The following ADGRL3 variants were observed in gnomAD, a reference collection of about 807,000 sequenced individuals.
ADGRL3 encodes the protein calcium-independent alpha-latrotoxin receptor 3.
In ADGRL3, 62 loss-of-function variants were observed where a neutral mutation model predicts 153.5. That is an observed-to-expected ratio of 0.40 (90% CI 0.33 to 0.50). The LOEUF (loss-of-function observed/expected upper bound fraction) is 0.50. Among genes scored for constraint, ADGRL3 ranks in the 20% least tolerant of loss-of-function variants. The probability of loss-of-function intolerance (pLI) is 0.47; values close to 1 mark genes in which losing one functional copy is unlikely to be tolerated. For synonymous variants in ADGRL3, 710 were observed against 672.5 expected (o/e 1.06, Z -0.86); for missense variants, 1,641 against 1,859.4 (o/e 0.88, Z 2.16).
chr4:61,347,311 T>C (rs1280597469), intron 1 of ADGRL3, among the ~76,000 whole-genome samples: 1 of 151,756 alleles, frequency 6.6e-6, no homozygotes, highest in Admixed American at 6.6e-5. Flanking sequence ...TTAAATTTGA[T>C]TCCCCCCAGC....
intron 2 of ADGRL3, among the ~76,000 whole-genome samples, chr4:61,432,585 T>TTC (rs1491030571): frequency 0.059 from 140 of 2,378 alleles, 4 homozygotes; most frequent in Middle Eastern, 0.25. Context: ...TTTCTTTCTT[T>TTC]CTTTCTTTCT....
intron 2 of ADGRL3, among the ~76,000 whole-genome samples, chr4:61,479,342 C>G (rs2098106373): frequency 1.3e-5 from 2 of 151,984 alleles, no homozygotes; most frequent in Non-Finnish European, 2.9e-5. Flanking sequence ...ACACACACCG[C>G]CCCCCATGCA....
At chr4:61,963,922 A>G (rs1179573901) in intron 17 of ADGRL3, among the ~76,000 whole-genome samples, 2 of 152,226 alleles carry the variant, frequency 1.3e-5, no homozygotes, top group Non-Finnish European at 2.9e-5. Flanking sequence ...TGGACACTGG[A>G]TGAAGACTTC....
At chr4:61,737,762 G>A (rs376848961) in intron 8 of ADGRL3, among the ~76,000 whole-genome samples, 1 of 151,970 alleles carries the variant, frequency 6.6e-6, no homozygotes, top group South Asian at 2.1e-4. Context: ...CCAGATGTTA[G>A]CACCAGGCAC....
intron 1 of ADGRL3, among the ~76,000 whole-genome samples, chr4:61,308,008 C>T (rs1279264362): frequency 6.6e-6 from 1 of 152,142 alleles, no homozygotes; most frequent in Non-Finnish European, 1.5e-5. Context: ...ATGGTCTCGC[C>T]TGCTTATTTG....
In ADGRL3 at chr4:61,664,680, A is replaced by T. The variant is rs145416309; in HGVS notation, c.474-12146A>T. On this transcript the variant is annotated intron_variant, in intron 5 of 26. Coordinates refer to ENST00000683033, the MANE Select transcript of ADGRL3 (RefSeq NM_001387552.1). ...TACACTAAAATGCCTCATATCATAT[A>T]CATTTAAAGTAAAATATTTGTTCTT... Among the ~76,000 whole-genome samples, 218 of 152,322 alleles carry T rather than the reference A, an allele frequency of 1.4e-3. 1 individual carries two copies. In the East Asian group the frequency reaches 0.035, roughly 25 times the overall value.
intron 13 of ADGRL3, among the ~76,000 whole-genome samples, chr4:61,926,440 C>G (rs558383567): frequency 1.3e-5 from 2 of 152,120 alleles, no homozygotes; most frequent in South Asian, 4.1e-4. Flanking sequence ...TTTTCCTCAT[C>G]AACTGGCGTT....
intron 4 of ADGRL3, among the ~76,000 whole-genome samples, chr4:61,565,717 T>C (rs1180574097): frequency 6.6e-6 from 1 of 151,780 alleles, no homozygotes; most frequent in Non-Finnish European, 1.5e-5. Flanking sequence ...TTTGTATTTT[T>C]AGTAGAGATG....
chr4:61,477,368 TAC>T (rs5858703), intron 2 of ADGRL3, among the ~76,000 whole-genome samples: 136,796 of 150,266 alleles, frequency 0.91, 63,155 homozygotes, highest in East Asian at 0.99. Context: ...ATAGTGATGT[TAC>T]ACACACACAC....
At chr4:61,874,325 G>T (rs2098461654) in intron 9 of ADGRL3, among the ~76,000 whole-genome samples, 1 of 152,100 alleles carries the variant, frequency 6.6e-6, no homozygotes, top group Non-Finnish European at 1.5e-5. Context: ...CTCTCTTCTT[G>T]GGTAGCTCAC....
chr4:61,836,235 T>G (rs919757227), intron 9 of ADGRL3, among the ~76,000 whole-genome samples: 4 of 152,180 alleles, frequency 2.6e-5, no homozygotes, highest in African/African-American at 7.2e-5. Flanking sequence ...GAAAAACTAT[T>G]ATATTAAAGC....
At chr4:61,986,786 G>A (rs2150922995) in intron 19 of ADGRL3, among the ~76,000 whole-genome samples, 1 of 152,292 alleles carries the variant, frequency 6.6e-6, no homozygotes, top group South Asian at 2.1e-4. Flanking sequence ...TAAATAAATT[G>A]TCCACACAGA....
intron 5 of ADGRL3, among the ~76,000 whole-genome samples, chr4:61,588,184 G>A (rs994531610): frequency 6.6e-6 from 1 of 151,482 alleles, no homozygotes; most frequent in Non-Finnish European, 1.5e-5. Flanking sequence ...CAGAAATCAG[G>A]GATAAAGTCA....
At chr4:61,492,959 T>C (rs1181669586) in intron 2 of ADGRL3, among the ~76,000 whole-genome samples, 1 of 152,132 alleles carries the variant, frequency 6.6e-6, no homozygotes, top group Admixed American at 6.5e-5. Flanking sequence ...TTGTGAAGAA[T>C]AGTGAACTTA....
At chr4:61,259,662 C>A (rs2092353456) in intron 1 of ADGRL3, among the ~76,000 whole-genome samples, 1 of 152,070 alleles carries the variant, frequency 6.6e-6, no homozygotes, top group African/African-American at 2.4e-5. Context: ...TAGGAAATGT[C>A]CTCCTCACCA....
In ADGRL3 at chr4:61,813,816, A is replaced by T; in HGVS notation, c.1407A>T (p.Ala469=). 6.3e-7 allele frequency: 1 copy of T among 1,579,906 alleles called. No homozygotes were observed. The highest frequency in any genetic ancestry group is 8.7e-7 in the Non-Finnish European group (1 of 1,148,992). Residue 469 remains alanine (A), a synonymous_variant, in exon 9 of 27, where the codon GCA becomes GCT. Coordinates refer to ENST00000683033, the MANE Select transcript of ADGRL3 (RefSeq NM_001387552.1). ...FGPLDSRSGQ[A]HHGQVSYISP... ...TTTGTTTTGGGTCCACAGGGCAGGC[A>T]CATCATGGACAAGTTTCATACATTT...
chr4:61,748,407 T>A (rs976597287), intron 8 of ADGRL3, among the ~76,000 whole-genome samples: 13 of 151,092 alleles, frequency 8.6e-5, no homozygotes, highest in African/African-American at 2.9e-4. Context: ...CCCAAGTCAA[T>A]CCTAAGCCAA....
chr4:61,505,422 A>G (rs976472171), intron 3 of ADGRL3, among the ~76,000 whole-genome samples: 7 of 152,098 alleles, frequency 4.6e-5, no homozygotes, highest in African/African-American at 7.2e-5. Flanking sequence ...ATAATTGTCC[A>G]TAATTGAAAC....
At chr4:61,261,255 C>A (rs2092494641) in intron 1 of ADGRL3, among the ~76,000 whole-genome samples, 1 of 144,438 alleles carries the variant, frequency 6.9e-6, no homozygotes, top group Non-Finnish European at 1.5e-5. Context: ...TGGTTTCAAA[C>A]TCCTAGGCTC....
Sources: allele counts gnomAD v4.1 joint callset (sites outside exome capture counted in the v4.1 genomes callset), GRCh38; gene constraint gnomAD v4.1.1; transcripts MANE v1.5; gene names NCBI Gene and HGNC (gene_info 2026-07-23, HGNC 2026-07-21).